The following SCFD2 variants were observed in gnomAD, a reference collection of about 807,000 sequenced individuals.
The protein encoded by SCFD2 is sec1 family domain containing 2.
SCFD2 carries 54 observed loss-of-function variants against 58.9 expected under a neutral mutation model. The observed-to-expected ratio is 0.92, with a 90% confidence interval of 0.74 to 1.15. The LOEUF (loss-of-function observed/expected upper bound fraction) is 1.15. Among genes scored for constraint, SCFD2 ranks in the 50% most tolerant of loss-of-function variants. The pLI, the probability that SCFD2 is intolerant of heterozygous loss-of-function variation, is 0.00. For synonymous variants in SCFD2, 321 were observed against 335.9 expected (o/e 0.96, Z 0.49); for missense variants, 805 against 836.6 (o/e 0.96, Z 0.47).
chr4:52,896,868 G>C (rs548611456), intron 7 of SCFD2, among the ~76,000 whole-genome samples: 1 of 152,264 alleles, frequency 6.6e-6, no homozygotes, highest in East Asian at 1.9e-4. Context: ...CCTTGAAGAG[G>C]TCCTAAACGT....
chr4:53,021,594 A>G (rs375294312), intron 5 of SCFD2, among the ~76,000 whole-genome samples: 1 of 152,140 alleles, frequency 6.6e-6, no homozygotes. Context: ...TGCGGTATGC[A>G]TTAAGTTCTC....
intron 5 of SCFD2, among the ~76,000 whole-genome samples, chr4:52,991,165 T>C (rs1721604399): frequency 6.6e-6 from 1 of 152,166 alleles, no homozygotes. Context: ...ACATGGGAGA[T>C]AGATGGTTGG....
chr4:53,363,185 G>C (rs982769114), intron 1 of SCFD2, among the ~76,000 whole-genome samples: 4 of 151,688 alleles, frequency 2.6e-5, no homozygotes, highest in African/African-American at 9.7e-5. Context: ...ACCCAGGTTG[G>C]AGTGCAGGGA....
At chr4:52,925,964 A>C (rs1719853291) in intron 5 of SCFD2, among the ~76,000 whole-genome samples, 1 of 151,972 alleles carries the variant, frequency 6.6e-6, no homozygotes, top group Non-Finnish European at 1.5e-5. Context: ...CAGCACCTAC[A>C]CTTCCTCTAT....
Position 53,131,091 on chromosome 4 carries a change from AT to A in SCFD2, c.1561+14241del, listed in dbSNP as rs1238597490. Among the ~76,000 whole-genome samples, 4 of 152,362 alleles carry A rather than the reference AT, an allele frequency of 2.6e-5. 1 individual carries two copies. Among genetic ancestry groups the A allele is most frequent in the East Asian group, 3.9e-4 (2 of 5,192 alleles). ...CTGATTTTAAATCATTAAGCATAAA[AT>A]GAATGATTCAGCAGAAAAAAAGGAA... is the stretch of plus-strand genomic sequence containing the variant. On this transcript the variant is annotated intron_variant, in intron 5 of 8. Coordinates refer to ENST00000401642, the MANE Select transcript of SCFD2 (RefSeq NM_152540.4).
intron 6 of SCFD2, among the ~76,000 whole-genome samples, chr4:52,908,019 A>G (rs761952329): frequency 5.9e-5 from 9 of 152,174 alleles, no homozygotes; most frequent in Non-Finnish European, 8.8e-5. Context: ...AGGAACTCCA[A>G]TGTTATTTAC....
chr4:52,954,802 C>T (rs1439759689), intron 5 of SCFD2, among the ~76,000 whole-genome samples: 1 of 152,162 alleles, frequency 6.6e-6, no homozygotes, highest in Non-Finnish European at 1.5e-5. Context: ...CAGATGTACA[C>T]ATCTGACTAA....
intron 2 of SCFD2, among the ~76,000 whole-genome samples, chr4:53,339,073 A>G (rs1577983277): frequency 6.6e-6 from 1 of 152,186 alleles, no homozygotes; most frequent in African/African-American, 2.4e-5. Flanking sequence ...TGAGGAAAAA[A>G]GAACACAGTG....
At chr4:53,019,632 G>C (rs911205729) in intron 5 of SCFD2, among the ~76,000 whole-genome samples, 1 of 152,120 alleles carries the variant, frequency 6.6e-6, no homozygotes, top group African/African-American at 2.4e-5. Context: ...ATGTGTGATT[G>C]TATCAACGTT....
chr4:53,188,035 G>T (rs1727785877), intron 4 of SCFD2, among the ~76,000 whole-genome samples: 1 of 152,100 alleles, frequency 6.6e-6, no homozygotes. Context: ...TACAGAAACA[G>T]CTCAAGCAGT....
chr4:53,289,789 A>G (rs1219002270), intron 3 of SCFD2, among the ~76,000 whole-genome samples: 3 of 152,154 alleles, frequency 2.0e-5, no homozygotes, highest in Non-Finnish European at 4.4e-5. Flanking sequence ...AAGGAAGAAG[A>G]TAATTCCTGT....
At chr4:53,024,870 G>A (rs1434610623) in intron 5 of SCFD2, among the ~76,000 whole-genome samples, 1 of 152,084 alleles carries the variant, frequency 6.6e-6, no homozygotes, top group Non-Finnish European at 1.5e-5. Flanking sequence ...TTTGAAGAAA[G>A]CAGTCCTTGG....
At chr4:53,301,590 A>C (rs1560437070) in intron 3 of SCFD2, among the ~76,000 whole-genome samples, 2 of 152,338 alleles carry the variant, frequency 1.3e-5, no homozygotes, top group African/African-American at 2.4e-5. Flanking sequence ...AATCCTCCCT[A>C]ACTCATTTCA....
chr4:53,164,279 C>T (rs1017162083), intron 4 of SCFD2, among the ~76,000 whole-genome samples: 9 of 152,178 alleles, frequency 5.9e-5, no homozygotes, highest in African/African-American at 2.2e-4. Context: ...TGAGTCTTGG[C>T]CACTTGTTCC....
At chr4:53,325,558 A>C (rs1733166090) in intron 2 of SCFD2, among the ~76,000 whole-genome samples, 1 of 152,248 alleles carries the variant, frequency 6.6e-6, no homozygotes, top group Admixed American at 6.5e-5. Context: ...TGAATAAGTA[A>C]ATGAACTAAA....
intron 1 of SCFD2, among the ~76,000 whole-genome samples, chr4:53,355,048 T>G (rs576694554): frequency 6.6e-6 from 1 of 152,254 alleles, no homozygotes; most frequent in Non-Finnish European, 1.5e-5. Flanking sequence ...CAATTCTGTA[T>G]GATCCTGTGG....
chr4:52,877,927 C>A (rs1175066290), intron 8 of SCFD2, among the ~76,000 whole-genome samples: 2 of 152,216 alleles, frequency 1.3e-5, no homozygotes, highest in Non-Finnish European at 2.9e-5. Flanking sequence ...TCCACACCCC[C>A]AAATCAGTCC....
intron 1 of SCFD2, among the ~76,000 whole-genome samples, chr4:53,356,806 G>T (rs1445559007): frequency 7.0e-6 from 1 of 142,528 alleles, no homozygotes; most frequent in East Asian, 2.0e-4. Context: ...GCGCGATCTC[G>T]GCTCACTGCA....
intron 2 of SCFD2, among the ~76,000 whole-genome samples, chr4:53,338,500 TA>T (rs1347758404): frequency 1.4e-5 from 2 of 143,418 alleles, no homozygotes; most frequent in African/African-American, 5.1e-5. Flanking sequence ...ACCTTAACTA[TA>T]AAAGAGAAAC....
Sources: gnomAD v4.1 joint callset for allele counts (sites outside exome capture counted in the v4.1 genomes callset) on GRCh38, gnomAD v4.1.1 for gene constraint, MANE v1.5 for transcripts, NCBI Gene and HGNC (gene_info 2026-07-23, HGNC 2026-07-21) for gene names.